The following CNIH4 variants were observed in gnomAD, a reference collection of about 807,000 sequenced individuals.
CNIH4 encodes the protein cornichon family member 4.
In CNIH4, 9 loss-of-function variants were observed where a neutral mutation model predicts 21.5. The observed-to-expected ratio is 0.42, with a 90% CI of 0.25 to 0.73. The LOEUF is 0.73. Among genes scored for constraint, CNIH4 ranks in the 30% least tolerant of loss-of-function variants. The pLI is 0.27. For missense variants in CNIH4, 159 were observed against 170.0 expected, an observed-to-expected ratio of 0.94 and a Z score of 0.36; for synonymous variants, 67 against 59.1, an observed-to-expected ratio of 1.13 and a Z score of -0.61.
chr1:224,368,415 G>C (rs1442931396), intron 3 of CNIH4, among the ~76,000 whole-genome samples: 3 of 152,102 alleles, frequency 2.0e-5, no homozygotes, highest in African/African-American at 7.2e-5. Flanking sequence ...TATTGCCCTG[G>C]TAACTGCAGT....
At chr1:224,373,250 T>C (rs1672683079) in intron 4 of CNIH4, among the ~76,000 whole-genome samples, 1 of 152,252 alleles carries the variant, frequency 6.6e-6, no homozygotes, top group Non-Finnish European at 1.5e-5. Flanking sequence ...TTTGTATCTT[T>C]ACTGTCATAT....
At chr1:224,362,551 G>A (rs189076292) in intron 2 of CNIH4, among the ~76,000 whole-genome samples, 1 of 141,476 alleles carries the variant, frequency 7.1e-6, no homozygotes, top group Non-Finnish European at 1.5e-5. Flanking sequence ...TTGCAGTGGC[G>A]TGATCTCAGC....
At chr1:224,357,211 C>T (rs1672141885) in intron 1 of CNIH4, 4 of 492,512 alleles carry the variant, frequency 8.1e-6, no homozygotes, top group Admixed American at 4.1e-5. Flanking sequence ...CACGCACTTG[C>T]CCTGCCTGGG....
At chr1:224,370,383 A>G (rs1183025562) in intron 3 of CNIH4, among the ~76,000 whole-genome samples, 1 of 152,206 alleles carries the variant, frequency 6.6e-6, no homozygotes, top group Non-Finnish European at 1.5e-5. Flanking sequence ...TTGCATTTCA[A>G]AGAAGTGATA....
rs762443340 is a variant in CNIH4, at chr1:224,371,409, C to G, written c.378C>G (p.Phe126Leu). 3.7e-6 allele frequency: 6 copies of G among 1,613,564 alleles called. No individual in the cohort carries two copies. The East Asian group carries it at 1.1e-4, about 30-fold the overall frequency. The stretch of plus-strand genomic sequence containing the variant: ...TTGGTTTCCACTTGCTCTGCTTCTT[C>G]ATGTATCTTTATAGGTGAGTTTAAA... ...IKLGFHLLCF[F>L]MYLYSMILAL... Residue 126 changes from phenylalanine to leucine, a missense_variant, in exon 4 of 5, where the codon TTC becomes TTG. Coordinates refer to ENST00000465271, the MANE Select transcript of CNIH4 (RefSeq NM_014184.4).
intron 1 of CNIH4, 88 bp downstream of exon 1, chr1:224,357,081 A>G: frequency 1.4e-6 from 2 of 1,462,642 alleles, no homozygotes; most frequent in South Asian, 2.4e-5. Flanking sequence ...GTGTGGGACT[A>G]GGGAGGCGCC....
chr1:224,359,745 C>T (rs528256039), intron 1 of CNIH4, among the ~76,000 whole-genome samples: 78 of 152,160 alleles, frequency 5.1e-4, no homozygotes, highest in African/African-American at 1.9e-3. Flanking sequence ...CAGACTGGAG[C>T]GCACTGGTGT....
intron 3 of CNIH4, among the ~76,000 whole-genome samples, chr1:224,369,660 G>A (rs959872603): frequency 4.6e-5 from 7 of 150,750 alleles, no homozygotes; most frequent in Admixed American, 4.0e-4. Flanking sequence ...TGGATACCCC[G>A]TTTACCCTGA....
In CNIH4 at chr1:224,360,607, A is replaced by AT. The variant is rs760221014; in HGVS notation, c.138+48dup. The AT allele has an allele frequency of 3.2e-5, 32 of 1,003,528 alleles. No homozygotes were observed. The African/African-American group carries it at 5.2e-4, about 16-fold the overall frequency. The allele number at this position is 1,003,528 out of a possible 1,614,324, so 62.2% of individuals were successfully genotyped here. A position where few individuals can be genotyped will look rare whatever the true frequency, so the allele number is the denominator to read the frequency against. On this transcript the variant is annotated intron_variant, in intron 2 of 4. Coordinates refer to ENST00000465271, the MANE Select transcript of CNIH4 (RefSeq NM_014184.4). ...CATTCTCTGGCATTGAAGCCAGGTC[A>AT]TTTTCCATACTTAAGATTATTATAG...
Position 224,365,418 on chromosome 1 carries a change from T to C in CNIH4, c.139-461T>C, listed in dbSNP as rs367792171. On this transcript the variant is annotated intron_variant, in intron 2 of 4. Transcript: ENST00000465271. ...ATTATTGTAAGCTTTTACATTCTTA[T>C]TATTTTTTGTTTTTCTCTGAATATG... 2.6e-5 allele frequency among the ~76,000 whole-genome samples: 4 copies of C among 152,362 alleles called. No individual in the cohort carries two copies. The South Asian group carries it at 8.3e-4, about 32-fold the overall frequency.
Position 224,371,269 on chromosome 1 carries a change from CTTTAA to C in CNIH4, c.252-9_252-5del, listed in dbSNP as rs758799705. Reference sequence around the variant, plus strand: ...TGATTATCCTTCTAATGTGTGTATCCTTTAATTTATCAGATACATTATGGTGCCGA... The same window carrying C: ...TGATTATCCTTCTAATGTGTGTATCCTTTATCAGATACATTATGGTGCCGA... On this transcript the variant is annotated splice_polypyrimidine_tract_variant and intron_variant, in intron 3 of 4. Coordinates refer to ENST00000465271, the MANE Select transcript of CNIH4 (RefSeq NM_014184.4). 8.7e-6 allele frequency: 14 copies of C among 1,607,432 alleles called. No homozygotes were observed. The highest frequency in any genetic ancestry group is 1.2e-5 in the Non-Finnish European group (14 of 1,176,694).
At chr1:224,367,733 G>A (rs1032413545) in intron 3 of CNIH4, among the ~76,000 whole-genome samples, 1 of 152,128 alleles carries the variant, frequency 6.6e-6, no homozygotes, top group Non-Finnish European at 1.5e-5. Flanking sequence ...CCCATGATCA[G>A]TTCCATAGAC....
chr1:224,366,895 G>A (rs771941606), intron 3 of CNIH4, among the ~76,000 whole-genome samples: 4 of 151,840 alleles, frequency 2.6e-5, no homozygotes, highest in South Asian at 2.1e-4. Flanking sequence ...GCCGGGAGGC[G>A]GAGCTTGAAG....
intron 3 of CNIH4, among the ~76,000 whole-genome samples, chr1:224,367,405 G>T (rs1418036135): frequency 6.6e-6 from 1 of 152,182 alleles, no homozygotes; most frequent in African/African-American, 2.4e-5. Flanking sequence ...CATGAAACTA[G>T]AATCTGAGTG....
At chr1:224,373,394 G>A (rs765686765) in intron 4 of CNIH4, among the ~76,000 whole-genome samples, 9 of 152,214 alleles carry the variant, frequency 5.9e-5, no homozygotes, top group Non-Finnish European at 8.8e-5. Flanking sequence ...GGCATCTCCT[G>A]GGGGCGGTGC....
intron 2 of CNIH4, chr1:224,364,532 A>G (rs1288733984): frequency 4.5e-6 from 1 of 224,552 alleles, no homozygotes; most frequent in African/African-American, 2.3e-5. Flanking sequence ...TGCACAGCTA[A>G]TAAATAGGAC....
At chr1:224,367,923 C>A (rs1434010832) in intron 3 of CNIH4, among the ~76,000 whole-genome samples, 2 of 152,200 alleles carry the variant, frequency 1.3e-5, no homozygotes, top group Non-Finnish European at 1.5e-5. Flanking sequence ...TAATGTTATA[C>A]CAGACCATAC....
In CNIH4 at chr1:224,378,357, T is replaced by C. The variant is rs1378036842; in HGVS notation, c.*2535T>C. On this transcript the variant is annotated 3_prime_UTR_variant, in exon 5 of 5. Coordinates refer to ENST00000465271, the MANE Select transcript of CNIH4 (RefSeq NM_014184.4). ...CACCACGCCCAGCTCAAAAACAATT[T>C]TTTTAGGGGCACTTCTACAAATCAT... The C allele has an allele frequency of 1.3e-5, 2 of 152,228 alleles. No individual in the cohort carries two copies. Among genetic ancestry groups the C allele is most frequent in the South Asian group, 2.1e-4 (1 of 4,838 alleles). 9.4% of individuals were successfully genotyped at this position (152,228 alleles called of 1,614,324 possible).
Position 224,371,305 on chromosome 1 carries a change from A to C in CNIH4, c.274A>C (p.Asn92His), listed in dbSNP as rs1407258071. 2 of 1,613,960 alleles carry C rather than the reference A, an allele frequency of 1.2e-6. No individual in the cohort carries two copies. Among genetic ancestry groups the C allele is most frequent in the African/African-American group, 2.7e-5 (2 of 75,040 alleles). The change falls in exon 4 of 5, where the codon AAC becomes CAC. Residue 92 changes from asparagine to histidine, a missense_variant. Asn to His is a moderately conservative substitution (Grantham distance 68). Coordinates refer to ENST00000465271, the MANE Select transcript of CNIH4 (RefSeq NM_014184.4). ...IYRYIMVPSG[N>H]MGVFDPTEIH... ...CAGATACATTATGGTGCCGAGTGGT[A>C]ACATGGGAGTGTTTGATCCAACAGA...
Sources: allele counts gnomAD v4.1 joint callset (sites outside exome capture counted in the v4.1 genomes callset), GRCh38; gene constraint gnomAD v4.1.1; transcripts MANE v1.5; gene names NCBI Gene and HGNC (gene_info 2026-07-23, HGNC 2026-07-21).